The following PARG variants were observed in gnomAD, a reference collection of about 807,000 sequenced individuals.
PARG encodes poly(ADP-ribose) glycohydrolase, also known as mitochondrial poly(ADP-ribose) glycohydrolase.
In PARG, 35 loss-of-function variants were observed where a neutral mutation model predicts 113.0. The ratio of observed to expected loss-of-function variants is 0.31; its 90% confidence interval spans 0.24 to 0.41. PARG has a LOEUF of 0.41. Ranked by LOEUF, PARG falls within the 10% of genes least tolerant of loss-of-function variation. PARG has a pLI of 1.00. For synonymous variants in PARG, 330 were observed against 409.9 expected (o/e 0.81, Z 2.36); for missense variants, 797 against 1,169.4 (o/e 0.68, Z 4.64).
At chr10:49,940,878 C>T (rs1473941543) in intron 1 of PARG, among the ~76,000 whole-genome samples, 2 of 152,200 alleles carry the variant, frequency 1.3e-5, no homozygotes, top group Non-Finnish European at 2.9e-5. Flanking sequence ...AACTCCTACT[C>T]ATTCTACAGT....
intron 9 of PARG, among the ~76,000 whole-genome samples, chr10:49,878,790 G>A (rs2132619696): frequency 6.6e-6 from 1 of 151,910 alleles, no homozygotes; most frequent in Non-Finnish European, 1.5e-5. Context: ...AGGCAGTGAA[G>A]GGCATTACAC....
intron 15 of PARG, among the ~76,000 whole-genome samples, chr10:49,838,076 CA>C (rs1244845619): frequency 6.6e-6 from 1 of 152,140 alleles, no homozygotes; most frequent in Non-Finnish European, 1.5e-5. Context: ...GTTTGAACCA[CA>C]AAAAGTCTAG....
At chr10:49,890,634 G>A (rs1282064107) in intron 7 of PARG, among the ~76,000 whole-genome samples, 2 of 151,084 alleles carry the variant, frequency 1.3e-5, no homozygotes, top group African/African-American at 2.5e-5. Context: ...CATAGTGACT[G>A]TGGACAGGCT....
chr10:49,840,578 T>TTCAA (rs1845179430), intron 15 of PARG, among the ~76,000 whole-genome samples: 1 of 152,270 alleles, frequency 6.6e-6, no homozygotes, highest in African/African-American at 2.4e-5. Context: ...GTTACGTAAG[T>TTCAA]TCAACTTTAA....
chr10:49,843,961 A>G (rs1437447160), intron 13 of PARG, among the ~76,000 whole-genome samples: 26 of 151,934 alleles, frequency 1.7e-4, no homozygotes, highest in Admixed American at 1.6e-3. Flanking sequence ...CCTGGCCAAC[A>G]TGGTGAAACC....
At chr10:49,921,010 A>G (rs1201341619) in intron 6 of PARG, among the ~76,000 whole-genome samples, 1 of 152,178 alleles carries the variant, frequency 6.6e-6, no homozygotes, top group Non-Finnish European at 1.5e-5. Flanking sequence ...CAGCTTGCAC[A>G]GCACCTTAGG....
chr10:49,910,364 G>T (rs1837103446), intron 7 of PARG, among the ~76,000 whole-genome samples: 1 of 152,180 alleles, frequency 6.6e-6, no homozygotes. Flanking sequence ...TATTTAAATT[G>T]TGGTTTACAA....
chr10:49,937,569 TA>T (rs1278272167), intron 1 of PARG, among the ~76,000 whole-genome samples: 1 of 152,114 alleles, frequency 6.6e-6, no homozygotes, highest in Non-Finnish European at 1.5e-5. Context: ...CTTTTTTCCA[TA>T]AATGTAAGGA....
chr10:49,910,400 A>G (rs1369996515), intron 7 of PARG, among the ~76,000 whole-genome samples: 3 of 152,246 alleles, frequency 2.0e-5, no homozygotes, highest in African/African-American at 4.8e-5. Context: ...TAGCCTCATC[A>G]CAGCAACAAA....
intron 7 of PARG, among the ~76,000 whole-genome samples, chr10:49,904,655 C>T (rs1848493052): frequency 6.6e-6 from 1 of 151,698 alleles, no homozygotes; most frequent in South Asian, 2.1e-4. Context: ...TAGCTCATGC[C>T]TGTAATCCCA....
At chr10:49,921,023 TG>T (rs1330679264) in intron 6 of PARG, among the ~76,000 whole-genome samples, 2 of 151,894 alleles carry the variant, frequency 1.3e-5, no homozygotes, top group African/African-American at 4.8e-5. Context: ...ACCTTAGGTG[TG>T]GGAAGAATAT....
chr10:49,824,781 T>C (rs138824391), intron 16 of PARG, among the ~76,000 whole-genome samples: 1 of 152,254 alleles, frequency 6.6e-6, no homozygotes, highest in African/African-American at 2.4e-5. Context: ...TATTTCCATA[T>C]TGAAAATAAA....
chr10:49,842,198 GA>G, intron 14 of PARG, 140 bp from the exon 15 acceptor site: 2 of 615,128 alleles, frequency 3.3e-6, no homozygotes, highest in Non-Finnish European at 5.8e-6. Context: ...TGAGCAAAAG[GA>G]AAGGAAAGGA....
At chr10:49,915,334 T>C (rs1290259368) in intron 7 of PARG, among the ~76,000 whole-genome samples, 2 of 152,068 alleles carry the variant, frequency 1.3e-5, no homozygotes, top group African/African-American at 2.4e-5. Flanking sequence ...GATATAGAAA[T>C]GGCCAATAGA....
At chr10:49,910,791 T>TA (rs1312552098) in intron 7 of PARG, among the ~76,000 whole-genome samples, 1 of 152,138 alleles carries the variant, frequency 6.6e-6, no homozygotes, top group Non-Finnish European at 1.5e-5. Context: ...AAAAAGTACA[T>TA]AAAAATATAT....
At chr10:49,932,640 G>C (rs1195232573) in intron 3 of PARG, among the ~76,000 whole-genome samples, 1 of 151,946 alleles carries the variant, frequency 6.6e-6, no homozygotes, top group Non-Finnish European at 1.5e-5. Flanking sequence ...ATCATGGATG[G>C]GATTTAAGAT....
At chr10:49,851,653 G>C (rs1221311323) in intron 13 of PARG, among the ~76,000 whole-genome samples, 3 of 136,494 alleles carry the variant, frequency 2.2e-5, no homozygotes, top group Non-Finnish European at 3.1e-5. Context: ...TGCCCAGTAG[G>C]TTTCATGTCT....
At chr10:49,933,128 C>A (rs1178454341) in intron 3 of PARG, 49 bp downstream of exon 3, 13 of 1,365,132 alleles carry the variant, frequency 9.5e-6, no homozygotes, top group Non-Finnish European at 1.2e-5. Context: ...CCTTACAAAA[C>A]TATAAAGCAT....
At chr10:49,913,708 G>C (rs1387975060) in intron 7 of PARG, among the ~76,000 whole-genome samples, 1 of 152,072 alleles carries the variant, frequency 6.6e-6, no homozygotes, top group African/African-American at 2.4e-5. Flanking sequence ...TTTGGGACCA[G>C]CCTGGCCAAC....
Sources: gnomAD v4.1 joint callset for allele counts (sites outside exome capture counted in the v4.1 genomes callset) on GRCh38, gnomAD v4.1.1 for gene constraint, MANE v1.5 for transcripts, NCBI Gene and HGNC (gene_info 2026-07-23, HGNC 2026-07-21) for gene names.